RGL2: variants seen among roughly 807,000 people sequenced by gnomAD.
The protein encoded by RGL2 is ral guanine nucleotide dissociation stimulator like 2.
A neutral mutation model predicts 84.6 loss-of-function variants in RGL2; 40 were observed. The observed-to-expected ratio is 0.47, with a 90% CI of 0.37 to 0.62. The LOEUF is 0.62. Among genes scored for constraint, RGL2 ranks in the 20% least tolerant of loss-of-function variants. RGL2 has a pLI of 0.00. For synonymous variants in RGL2, 369 were observed against 417.3 expected, an observed-to-expected ratio of 0.88 and a Z score of 1.41; for missense variants, 865 against 1,019.7, an observed-to-expected ratio of 0.85 and a Z score of 2.07.
At position 33,297,528 on chromosome 6, in the gene RGL2, G is replaced by A; in HGVS notation, c.157-413C>T. The A allele has an allele frequency of 5.1e-6, 1 of 196,420 alleles. No individual in the cohort carries two copies. Among genetic ancestry groups the A allele is most frequent in the Non-Finnish European group, 1.0e-5 (1 of 95,454 alleles). The allele number at this position is 196,420 out of a possible 1,614,324, so 12.2% of individuals were successfully genotyped here. ...CTGAAACCTCAGTCCAGGCACTGCC[G>A]CATGCCCCGCCCCTCCCGGCCAAGG... On this transcript the variant is annotated intron_variant, in intron 2 of 17. Coordinates refer to ENST00000497454, the MANE Select transcript of RGL2 (RefSeq NM_004761.5). This position sits in a 1 kb window ranked among gnomAD's most constrained non-coding sequence, Gnocchi z 4.0.
Position 33,293,442 on chromosome 6 carries a change from G to T in RGL2, c.1687C>A (p.Pro563Thr), listed in dbSNP as rs772937817. Residue 563 changes from proline to threonine, a missense_variant, in exon 15 of 18, where the codon CCT becomes ACT. This residue lies in a region of RGL2 where 302 missense variants were observed against 327.9 expected (regional missense o/e 0.92). Transcript: ENST00000497454. The surrounding 1 kb of genome is among the most constrained non-coding windows in gnomAD (Gnocchi z 7.0). Reference sequence around the variant, plus strand: ...GCCAGCCGAGTCAGCAGAGGAGCAGGAGTTGTAGGCGCCTCATCTCCCCCA... The same window carrying T: ...GCCAGCCGAGTCAGCAGAGGAGCAGTAGTTGTAGGCGCCTCATCTCCCCCA... Reference protein sequence around the residue: ...STGGDEAPTTPAPLLTRLAQH... With the variant: ...STGGDEAPTTTAPLLTRLAQH... 4.3e-6 allele frequency: 7 copies of T among 1,614,126 alleles called. No homozygotes were observed. The highest frequency in any genetic ancestry group is 1.7e-6 in the Non-Finnish European group (2 of 1,179,974).
rs544889006 is a variant in RGL2 at position 33,297,254 on chromosome 6, G to T, written c.157-139C>A. On this transcript the variant is annotated intron_variant, in intron 2 of 17. Coordinates refer to ENST00000497454, the MANE Select transcript of RGL2 (RefSeq NM_004761.5). This position sits in a 1 kb window ranked among gnomAD's most constrained non-coding sequence, Gnocchi z 4.0. Reference sequence around the variant, plus strand: ...ATAGTACCAGCGAGTGCGAGGAAGGGTTGGGGGAGCTGGTGACCCCAGGTC... The same window carrying T: ...ATAGTACCAGCGAGTGCGAGGAAGGTTTGGGGGAGCTGGTGACCCCAGGTC... 1.1e-5 allele frequency: 7 copies of T among 654,456 alleles called. No homozygotes were observed. In the South Asian group the frequency reaches 1.6e-4, roughly 15 times the overall value. The allele number at this position is 654,456 out of a possible 1,614,324, so 40.5% of individuals were successfully genotyped here. A position where few individuals can be genotyped will look rare whatever the true frequency, so the allele number is the denominator to read the frequency against.
chr6:33,293,975 C>A lies in RGL2; in HGVS notation c.1386+59G>T. ...ACTCAGGGACCCCTGACTTTTCCCC[C>A]TCCCCTTCCTGGAACATGGATAGGG... On this transcript the variant is annotated intron_variant, in intron 12 of 17. Coordinates refer to ENST00000497454, the MANE Select transcript of RGL2 (RefSeq NM_004761.5). This position sits in a 1 kb window ranked among gnomAD's most constrained non-coding sequence, Gnocchi z 7.0. 3 of 1,614,112 alleles carry A rather than the reference C, an allele frequency of 1.9e-6. No individual in the cohort carries two copies. Among genetic ancestry groups the A allele is most frequent in the Non-Finnish European group, 2.5e-6 (3 of 1,180,022 alleles).
chr6:33,294,858 T>A lies in RGL2; in HGVS notation c.1279-96A>T. On this transcript the variant is annotated intron_variant, in intron 10 of 17. Coordinates refer to ENST00000497454, the MANE Select transcript of RGL2 (RefSeq NM_004761.5). This position sits in a 1 kb window ranked among gnomAD's most constrained non-coding sequence, Gnocchi z 5.0. ...CTCCTCATTGCCTCAGAGAACAGAT[T>A]TCATTCTCCTCACCCCTCTGTGCCT... 4.0e-6 allele frequency: 6 copies of A among 1,498,900 alleles called. No homozygotes were observed. Among genetic ancestry groups the A allele is most frequent in the Non-Finnish European group, 5.5e-6 (6 of 1,097,234 alleles). 92.9% of individuals were successfully genotyped at this position (1,498,900 alleles called of 1,614,324 possible).
chr6:33,296,578 G>T lies in RGL2; in HGVS notation c.419+20C>A. The T allele has an allele frequency of 6.2e-7, 1 of 1,607,086 alleles. No individual in the cohort carries two copies. Among genetic ancestry groups the T allele is most frequent in the Non-Finnish European group, 8.5e-7 (1 of 1,176,320 alleles). ...ATCCGGGCAGATACTCCACTACCCT[G>T]CGTCCCTTATGACTCTGACCTGTCA... On this transcript the variant is annotated intron_variant, in intron 4 of 17. Coordinates refer to ENST00000497454, the MANE Select transcript of RGL2 (RefSeq NM_004761.5). This position sits in a 1 kb window ranked among gnomAD's most constrained non-coding sequence, Gnocchi z 5.0.
chr6:33,292,597 TTCTACCC>T, intron 16 of RGL2, 53 bp from the exon 17 acceptor site: 1 of 1,451,404 alleles, frequency 6.9e-7, no homozygotes, highest in South Asian at 1.1e-5. Flanking sequence ...TTTCCCATCC[TTCTACCC>T]TCAGCCACTG....
chr6:33,292,086 C>T lies in RGL2; in HGVS notation c.*16G>A, dbSNP rs757348758. On this transcript the variant is annotated 3_prime_UTR_variant, in exon 18 of 18. Transcript: ENST00000497454. ...TATGAACACCATGACTTCTGTAAGC[C>T]AACGGGGCTTCCTCCTCAGAACAGT... 26 of 1,613,858 alleles carry T rather than the reference C, an allele frequency of 1.6e-5. No homozygotes were observed. Among genetic ancestry groups the T allele is most frequent in the Non-Finnish European group, 2.0e-5 (24 of 1,179,938 alleles).
chr6:33,296,398 A>G lies in RGL2; in HGVS notation c.470+16T>C. The stretch of plus-strand genomic sequence containing the variant: ...GGCAGAGGGGACTGTGAGATTAAGA[A>G]CCAGGGGTCACTCACTCTGTTGTCC... On this transcript the variant is annotated intron_variant, in intron 5 of 17. Coordinates refer to ENST00000497454, the MANE Select transcript of RGL2 (RefSeq NM_004761.5). This position sits in a 1 kb window ranked among gnomAD's most constrained non-coding sequence, Gnocchi z 5.0. The G allele has an allele frequency of 6.2e-7, 1 of 1,609,412 alleles. No homozygotes were observed.
At position 33,295,931 on chromosome 6, in the gene RGL2, C is replaced by A; in HGVS notation, c.768+97G>T. ...AATGGTAGGTGGAGGAGGCTAGGAG[C>A]TGGATCAGGAAGGGGTGGAAGCAAG... is the stretch of plus-strand genomic sequence containing the variant. On this transcript the variant is annotated intron_variant, in intron 6 of 17. Coordinates refer to ENST00000497454, the MANE Select transcript of RGL2 (RefSeq NM_004761.5). The surrounding 1 kb of genome is among the most constrained non-coding windows in gnomAD (Gnocchi z 7.2). The A allele has an allele frequency of 6.6e-7, 1 of 1,505,252 alleles. No homozygotes were observed. The highest frequency in any genetic ancestry group is 9.1e-7 in the Non-Finnish European group (1 of 1,095,634). The allele number at this position is 1,505,252 out of a possible 1,614,324, so 93.2% of individuals were successfully genotyped here. A position where few individuals can be genotyped will look rare whatever the true frequency, so the allele number is the denominator to read the frequency against.
Position 33,296,557 on chromosome 6 carries a change from G to A in RGL2, c.419+41C>T, listed in dbSNP as rs376939629. 1.8e-5 allele frequency: 28 copies of A among 1,588,522 alleles called. No homozygotes were observed. Among genetic ancestry groups the A allele is most frequent in the Admixed American group, 7.0e-5 (4 of 57,234 alleles). Reference sequence around the variant, plus strand: ...GGGATGTTGCGGCTTTAGGAAATCCGGGCAGATACTCCACTACCCTGCGTC... The same window carrying A: ...GGGATGTTGCGGCTTTAGGAAATCCAGGCAGATACTCCACTACCCTGCGTC... On this transcript the variant is annotated intron_variant, in intron 4 of 17. Transcript: ENST00000497454. The surrounding 1 kb of genome is among the most constrained non-coding windows in gnomAD (Gnocchi z 5.0).
At position 33,294,613 on chromosome 6, in the gene RGL2, AG is replaced by A; in HGVS notation, c.1353+74del. 6.5e-7 allele frequency: 1 copy of A among 1,537,370 alleles called. No homozygotes were observed. The highest frequency in any genetic ancestry group is 1.2e-5 in the South Asian group (1 of 86,602). On this transcript the variant is annotated intron_variant, in intron 11 of 17. Transcript: ENST00000497454. This position sits in a 1 kb window ranked among gnomAD's most constrained non-coding sequence, Gnocchi z 5.0. The stretch of plus-strand genomic sequence containing the variant: ...TATTTGTGCCTTACAGCCCCTTGCA[AG>A]GGGCGGGGGGGTCTGTCCGACCCTG...
Position 33,296,161 on chromosome 6 carries a change from C to T in RGL2, c.635G>A (p.Arg212Gln), listed in dbSNP as rs772525158. ...GGSADLIRNL[R>Q]SRVDPQAPDL... ...GGGGGCCTGGGGGTCCACCCGGGAC[C>T]GGAGATTGCGGATGAGGTCAGCGCT... Residue 212 changes from arginine to glutamine, a missense_variant, in exon 6 of 18, where the codon CGG becomes CAG. By Grantham distance (43) the Arg-to-Gln change is conservative (BLOSUM62 1). Transcript: ENST00000497454. This position sits in a 1 kb window ranked among gnomAD's most constrained non-coding sequence, Gnocchi z 5.0. 97 of 1,613,784 alleles carry T rather than the reference C, an allele frequency of 6.0e-5. No homozygotes were observed. Among genetic ancestry groups the T allele is most frequent in the Non-Finnish European group, 7.5e-5 (88 of 1,179,976 alleles).
In RGL2 at chr6:33,293,741, C is replaced by T; in HGVS notation, c.1509-42G>A. On this transcript the variant is annotated intron_variant, in intron 13 of 17. Transcript: ENST00000497454. The surrounding 1 kb of genome is among the most constrained non-coding windows in gnomAD (Gnocchi z 7.0). Reference sequence around the variant, plus strand: ...ATAGGCAGAGCTCAGGACATGACACCAATCCCCCACACCTGGCCAGAACCC... The same window carrying T: ...ATAGGCAGAGCTCAGGACATGACACTAATCCCCCACACCTGGCCAGAACCC... 6.2e-7 allele frequency: 1 copy of T among 1,613,012 alleles called. No homozygotes were observed. The highest frequency in any genetic ancestry group is 8.5e-7 in the Non-Finnish European group (1 of 1,179,274).
Position 33,295,470 on chromosome 6 carries a change from T to G in RGL2, c.1020+38A>C. ...CTAAGGCTATGGGAGGCCTCTCCATTCCATGGCCACAAACCGTAGGGCAAT... is the reference window on the plus strand; with the variant it reads ...CTAAGGCTATGGGAGGCCTCTCCATGCCATGGCCACAAACCGTAGGGCAAT... On this transcript the variant is annotated intron_variant, in intron 7 of 17. Transcript: ENST00000497454. This position sits in a 1 kb window ranked among gnomAD's most constrained non-coding sequence, Gnocchi z 7.2. 1 of 1,613,422 alleles carries G rather than the reference T, an allele frequency of 6.2e-7. No homozygotes were observed. Among genetic ancestry groups the G allele is most frequent in the Non-Finnish European group, 8.5e-7 (1 of 1,179,786 alleles).
At position 33,298,465 on chromosome 6, in the gene RGL2, T is replaced by C; in HGVS notation, c.146A>G (p.Glu49Gly). ...CCACCCGCGTCTCACCTCTTCTTCTTCCTCCTCCTCTTCCTCCTGCCCCCC... is the reference window on the plus strand; with the variant it reads ...CCACCCGCGTCTCACCTCTTCTTCTCCCTCCTCCTCTTCCTCCTGCCCCCC... ...VGGGQEEEEE[E>G]EEEAPVSVWD... Residue 49 changes from glutamate to glycine, a missense_variant, in exon 2 of 18, where the codon GAA (glutamate) becomes GGA (glycine). Glu to Gly is a moderately conservative substitution (Grantham distance 98). Around this residue, in one of 5 missense-constraint regions of RGL2, gnomAD observed 455 missense variants for 507.8 expected, o/e 0.90. Transcript: ENST00000497454. The surrounding 1 kb of genome is among the most constrained non-coding windows in gnomAD (Gnocchi z 4.8). 6.7e-7 allele frequency: 1 copy of C among 1,495,026 alleles called. No homozygotes were observed. Among genetic ancestry groups the C allele is most frequent in the Non-Finnish European group, 9.1e-7 (1 of 1,102,250 alleles). 92.6% of individuals were successfully genotyped at this position (1,495,026 alleles called of 1,614,324 possible).
rs1414261293 is a variant in RGL2 at position 33,297,259 on chromosome 6, G to A, written c.157-144C>T. 2 of 629,770 alleles carry A rather than the reference G, an allele frequency of 3.2e-6. No homozygotes were observed. Among genetic ancestry groups the A allele is most frequent in the Non-Finnish European group, 2.6e-6 (1 of 381,648 alleles). 39.0% of individuals were successfully genotyped at this position (629,770 alleles called of 1,614,324 possible). On this transcript the variant is annotated intron_variant, in intron 2 of 17. Coordinates refer to ENST00000497454, the MANE Select transcript of RGL2 (RefSeq NM_004761.5). The surrounding 1 kb of genome is among the most constrained non-coding windows in gnomAD (Gnocchi z 4.0). ...ACCAGCGAGTGCGAGGAAGGGTTGGGGGAGCTGGTGACCCCAGGTCTCCCC... is the reference window on the plus strand; with the variant it reads ...ACCAGCGAGTGCGAGGAAGGGTTGGAGGAGCTGGTGACCCCAGGTCTCCCC...
Position 33,294,621 on chromosome 6 carries a change from G to C in RGL2, c.1353+67C>G, listed in dbSNP as rs924900174. 3 of 1,557,384 alleles carry C rather than the reference G, an allele frequency of 1.9e-6. No individual in the cohort carries two copies. The highest frequency in any genetic ancestry group is 2.7e-5 in the African/African-American group (2 of 73,934). On this transcript the variant is annotated intron_variant, in intron 11 of 17. Coordinates refer to ENST00000497454, the MANE Select transcript of RGL2 (RefSeq NM_004761.5). This position sits in a 1 kb window ranked among gnomAD's most constrained non-coding sequence, Gnocchi z 5.0. ...CCTTACAGCCCCTTGCAAGGGGCGG[G>C]GGGGTCTGTCCGACCCTGCAGCCCA...
chr6:33,293,194 G>A lies in RGL2; in HGVS notation c.1829C>T (p.Pro610Leu). The change falls in exon 16 of 18, where the codon CCT becomes CTT. Residue 610 changes from proline (P) to leucine (L), a missense_variant. Pro to Leu is a moderately conservative substitution (Grantham distance 98). This residue lies in a region of RGL2 where 302 missense variants were observed against 327.9 expected (regional missense o/e 0.92). Transcript: ENST00000497454. The surrounding 1 kb of genome is among the most constrained non-coding windows in gnomAD (Gnocchi z 7.0). ...GGCTGAGCGGCGGTGACCTCGAGAA[G>A]GCCTAGGGGAGGAGGCTGGTGGGGA... Reference protein sequence around the residue: ...HLSPPASSPRPSRGHRRSASC... With the variant: ...HLSPPASSPRLSRGHRRSASC... 1 of 1,585,414 alleles carries A rather than the reference G, an allele frequency of 6.3e-7. No individual in the cohort carries two copies. Among genetic ancestry groups the A allele is most frequent in the Non-Finnish European group, 8.6e-7 (1 of 1,167,218 alleles).
In RGL2 at chr6:33,296,324, C is replaced by T. The variant is rs1767949290; in HGVS notation, c.472G>A (p.Val158Ile). 1 of 1,609,894 alleles carries T rather than the reference C, an allele frequency of 6.2e-7. No individual in the cohort carries two copies. The highest frequency in any genetic ancestry group is 1.3e-5 in the African/African-American group (1 of 74,996). ...PTDELERTTE[V>I]AISVLSTWLA... ...CAGGTTGACAGTACAGAGATGGCTACCCTGGGAGAAGGGAATCAGCCAAGG... is the reference window on the plus strand; with the variant it reads ...CAGGTTGACAGTACAGAGATGGCTATCCTGGGAGAAGGGAATCAGCCAAGG... The change falls in exon 6 of 18, where the codon GTA becomes ATA. Residue 158 changes from valine (V) to isoleucine (I), a missense_variant and splice_region_variant. Transcript: ENST00000497454. This position sits in a 1 kb window ranked among gnomAD's most constrained non-coding sequence, Gnocchi z 5.0.
Sources: gnomAD v4.1 joint callset for allele counts on GRCh38, gnomAD v4.1.1 for gene constraint, gnomAD v4.1.1 regional missense constraint, Gnocchi (gnomAD v3.1) non-coding constraint, MANE v1.5 for transcripts, NCBI Gene and HGNC (gene_info 2026-07-23, HGNC 2026-07-21) for gene names.